UBN2: variants seen among roughly 807,000 people sequenced by gnomAD.
UBN2 encodes ubinuclein-2.
Under a neutral mutation model 120.2 loss-of-function variants are expected in UBN2, and 35 were observed. The ratio of observed to expected loss-of-function variants is 0.29; its 90% confidence interval spans 0.22 to 0.39. The LOEUF is 0.39. Ranked by LOEUF, UBN2 falls within the 10% of genes least tolerant of loss-of-function variation. The pLI is 1.00. For synonymous variants in UBN2, 661 were observed against 648.7 expected, an observed-to-expected ratio of 1.02 and a Z score of -0.29; for missense variants, 1,693 against 1,663.2, an observed-to-expected ratio of 1.02 and a Z score of -0.31.
Position 139,307,490 on chromosome 7 carries a change from A to T in UBN2, c.*9654A>T, listed in dbSNP as rs963280007. On this transcript the variant is annotated 3_prime_UTR_variant, in exon 18 of 18. Transcript: ENST00000473989. ...CTTTTTTGTATTTTAGTAAAAAAAA[A>T]AAAAAATAAATTTAAATAAAAGGGG... The T allele has an allele frequency of 1.3e-5, 2 of 151,912 alleles. No individual in the cohort carries two copies. Among genetic ancestry groups the T allele is most frequent in the Non-Finnish European group, 2.9e-5 (2 of 68,000 alleles). 9.4% of individuals were successfully genotyped at this position (151,912 alleles called of 1,614,324 possible).
chr7:139,275,856 T>C (rs1007563706), intron 11 of UBN2, among the ~76,000 whole-genome samples: 2 of 152,126 alleles, frequency 1.3e-5, no homozygotes, highest in African/African-American at 4.8e-5. Context: ...ACACCTGTAA[T>C]TCCAGCTTCT....
intron 5 of UBN2, 106 bp from the exon 6 acceptor site, chr7:139,261,144 GCT>G: frequency 7.7e-7 from 1 of 1,298,208 alleles, no homozygotes; most frequent in East Asian, 2.4e-5. Context: ...TAAGAAAACT[GCT>G]CTGTCACCTG....
chr7:139,234,753 A>G (rs1425594156), intron 1 of UBN2, among the ~76,000 whole-genome samples: 1 of 152,244 alleles, frequency 6.6e-6, no homozygotes, highest in Non-Finnish European at 1.5e-5. Context: ...GCTTAATTGA[A>G]CATTTACTGT....
rs1233523731 is a variant in UBN2 at position 139,273,830 on chromosome 7, ATTGT to A, written c.1830-95_1830-92del. The A allele has an allele frequency of 1.4e-4, 138 of 1,021,614 alleles. No homozygotes were observed. In the East Asian group the frequency reaches 3.0e-3, roughly 22 times the overall value. 63.3% of individuals were successfully genotyped at this position (1,021,614 alleles called of 1,614,324 possible). On this transcript the variant is annotated intron_variant, in intron 10 of 17. Transcript: ENST00000473989. ...GTGCAATGAATGATATATGTTAGAA[ATTGT>A]TTGTTATTTTCTGAATTTTTCACAT...
chr7:139,314,486 CTTAT>C, the UBN2 span, among the ~76,000 whole-genome samples: 14 of 151,594 alleles, frequency 9.2e-5, no homozygotes, highest in African/African-American at 3.4e-4. Context: ...TGTAGGATTA[CTTAT>C]TTATTTATTT....
chr7:139,254,553 A>G (rs1454941783), intron 3 of UBN2, among the ~76,000 whole-genome samples: 2 of 152,222 alleles, frequency 1.3e-5, no homozygotes, highest in Non-Finnish European at 2.9e-5. Context: ...CAAGTCTTTT[A>G]GCACCACCCG....
At chr7:139,267,949 C>A (rs1381182098) in intron 7 of UBN2, among the ~76,000 whole-genome samples, 1 of 152,236 alleles carries the variant, frequency 6.6e-6, no homozygotes, top group Admixed American at 6.5e-5. Flanking sequence ...CTTGTCAGAG[C>A]TGTCCCAGAT....
chr7:139,293,894 C>T lies in UBN2; in HGVS notation c.3907C>T (p.Leu1303=), dbSNP rs777404752. 6.2e-7 allele frequency: 1 copy of T among 1,614,022 alleles called. No individual in the cohort carries two copies. The highest frequency in any genetic ancestry group is 1.1e-5 in the South Asian group (1 of 91,076). Reference sequence around the variant, plus strand: ...CAAGTCTGTTTTCCTCTCAGATTTACTAAAGGGTTTACAGCCAGGAGGAGC... The same window carrying T: ...CAAGTCTGTTTTCCTCTCAGATTTATTAAAGGGTTTACAGCCAGGAGGAGC... The part of the protein sequence containing the change: ...AFHHSLTQNL[L]KGLQPGGAQH... Residue 1303 remains leucine, a synonymous_variant, in exon 17 of 18, where the codon CTA becomes TTA. Coordinates refer to ENST00000473989, the MANE Select transcript of UBN2 (RefSeq NM_173569.4).
chr7:139,265,987 G>A (rs1797085876), intron 6 of UBN2, among the ~76,000 whole-genome samples: 1 of 151,924 alleles, frequency 6.6e-6, no homozygotes, highest in South Asian at 2.1e-4. Flanking sequence ...ATACCCAGCT[G>A]AATTTGAATC....
chr7:139,256,608 A>G (rs1358210323), intron 3 of UBN2, among the ~76,000 whole-genome samples: 1 of 152,212 alleles, frequency 6.6e-6, no homozygotes, highest in Non-Finnish European at 1.5e-5. Flanking sequence ...AAAGCATTGT[A>G]CAAAACAATG....
Position 139,266,393 on chromosome 7 carries a change from A to G in UBN2, c.1456A>G (p.Ile486Val), listed in dbSNP as rs754063247. 2.0e-6 allele frequency: 3 copies of G among 1,523,002 alleles called. No individual in the cohort carries two copies. The highest frequency in any genetic ancestry group is 2.7e-6 in the Non-Finnish European group (3 of 1,113,556). 94.3% of individuals were successfully genotyped at this position (1,523,002 alleles called of 1,614,324 possible). Residue 486 changes from isoleucine to valine, a missense_variant, in exon 7 of 18, where the codon ATT (isoleucine) becomes GTT (valine). Physicochemically the swap from Ile to Val is conservative, Grantham distance 29. This residue lies in a region of UBN2 where 178 missense variants were observed against 204.0 expected (regional missense o/e 0.87). Coordinates refer to ENST00000473989, the MANE Select transcript of UBN2 (RefSeq NM_173569.4). ...ATTCTTTACACAGGATATGAATAAT[A>G]TTCTTCTGGAGTAAGTAATTTTCTT... is the stretch of plus-strand genomic sequence containing the variant. ...KKFFTQDMNNILLDIELQLQE... is the reference protein window; with the variant it reads ...KKFFTQDMNNVLLDIELQLQE...
At chr7:139,259,524 G>A (rs1262603179) in intron 5 of UBN2, among the ~76,000 whole-genome samples, 154 bp downstream of exon 5, 1 of 152,170 alleles carries the variant, frequency 6.6e-6, no homozygotes, top group African/African-American at 2.4e-5. Context: ...TAGTATTGTA[G>A]TATTTGTTCT....
chr7:139,247,322 A>T (rs1456946039), intron 2 of UBN2, among the ~76,000 whole-genome samples: 1 of 152,234 alleles, frequency 6.6e-6, no homozygotes, highest in Non-Finnish European at 1.5e-5. Flanking sequence ...AAAAATAGTA[A>T]GGATGAACAA....
intron 1 of UBN2, 88 bp from the exon 2 acceptor site, chr7:139,236,914 GGTT>G: frequency 1.5e-6 from 1 of 680,904 alleles, no homozygotes; most frequent in Non-Finnish European, 2.4e-6. Context: ...GAATTGAAGT[GGTT>G]GTTACATAAT....
At chr7:139,255,375 A>G (rs551040267) in intron 3 of UBN2, among the ~76,000 whole-genome samples, 57 of 152,310 alleles carry the variant, frequency 3.7e-4, no homozygotes, top group Non-Finnish European at 6.9e-4. Flanking sequence ...TTGGTAGACT[A>G]TACAGTTTTT....
chr7:139,284,922 C>G (rs1329050641), intron 15 of UBN2, among the ~76,000 whole-genome samples: 1 of 152,178 alleles, frequency 6.6e-6, no homozygotes, highest in Non-Finnish European at 1.5e-5. Context: ...TCTCTCTTAT[C>G]AAAGTCCAGA....
rs1798247645 is a variant in UBN2 at position 139,301,155 on chromosome 7, T to C, written c.*3319T>C. 6.6e-6 allele frequency: 1 copy of C among 152,212 alleles called. No homozygotes were observed. Among genetic ancestry groups the C allele is most frequent in the South Asian group, 2.1e-4 (1 of 4,832 alleles). The allele number at this position is 152,212 out of a possible 1,614,324, so 9.4% of individuals were successfully genotyped here. On this transcript the variant is annotated 3_prime_UTR_variant, in exon 18 of 18. Transcript: ENST00000473989. ...CATATCATGGACATTGAATAGGGTT[T>C]ATTGAATCAGGAAGGTAAGGGGAAG...
At chr7:139,277,052 A>G (rs1272968983) in intron 12 of UBN2, 1 of 150,796 alleles carries the variant, frequency 6.6e-6, no homozygotes, top group Non-Finnish European at 1.5e-5. Context: ...GACAGAACAG[A>G]CCTTGTTTCC....
intron 1 of UBN2, among the ~76,000 whole-genome samples, chr7:139,234,153 A>T (rs1035475655): frequency 6.6e-6 from 1 of 152,160 alleles, no homozygotes; most frequent in African/African-American, 2.4e-5. Flanking sequence ...AAATGCGAAC[A>T]TTAGAATTGG....
Sources: gnomAD v4.1 joint callset for allele counts (sites outside exome capture counted in the v4.1 genomes callset) on GRCh38, gnomAD v4.1.1 for gene constraint, gnomAD v4.1.1 regional missense constraint, MANE v1.5 for transcripts, NCBI Gene and HGNC (gene_info 2026-07-23, HGNC 2026-07-21) for gene names.